SND1: variants seen among roughly 807,000 people sequenced by gnomAD.
The protein encoded by SND1 is staphylococcal nuclease and tudor domain containing 1, also known as staphylococcal nuclease domain-containing protein 1.
In SND1, 38 loss-of-function variants were observed where a neutral mutation model predicts 121.7. That is an observed-to-expected ratio of 0.31 (90% confidence interval 0.24 to 0.41). The LOEUF is 0.41. Among genes scored for constraint, SND1 ranks in the 10% least tolerant of loss-of-function variants. SND1 has a pLI of 1.00. For synonymous variants in SND1, 401 were observed against 447.4 expected, an observed-to-expected ratio of 0.90 and a Z score of 1.31; for missense variants, 868 against 1,184.6, an observed-to-expected ratio of 0.73 and a Z score of 3.92.
At chr7:127,970,977 A>G (rs1801971962) in intron 15 of SND1, among the ~76,000 whole-genome samples, 1 of 152,162 alleles carries the variant, frequency 6.6e-6, no homozygotes, top group Non-Finnish European at 1.5e-5. Context: ...GTTTTAAAAA[A>G]TAAAAATCCT....
intron 12 of SND1, among the ~76,000 whole-genome samples, chr7:127,879,222 T>G (rs1223090122): frequency 2.0e-5 from 3 of 152,184 alleles, no homozygotes; most frequent in African/African-American, 7.2e-5. Context: ...GAGATTTCTT[T>G]TGTCAGCTTA....
intron 18 of SND1, 121 bp from the exon 19 acceptor site, chr7:128,084,603 G>T: frequency 7.5e-6 from 8 of 1,073,724 alleles, no homozygotes; most frequent in Non-Finnish European, 1.0e-5. Flanking sequence ...GACAGAGCCA[G>T]TGCTGCAGTG....
At chr7:127,911,268 C>A (rs1170204500) in intron 14 of SND1, among the ~76,000 whole-genome samples, 3 of 152,246 alleles carry the variant, frequency 2.0e-5, no homozygotes, top group African/African-American at 7.2e-5. Flanking sequence ...TGGCACACAA[C>A]CTCTGATGCC....
intron 1 of SND1, among the ~76,000 whole-genome samples, chr7:127,684,056 A>G (rs1188620946): frequency 1.3e-5 from 2 of 152,234 alleles, no homozygotes; most frequent in Non-Finnish European, 2.9e-5. Context: ...TTTACTAGGC[A>G]GAGGCATTAG....
At chr7:127,872,315 A>C (rs1283840595) in intron 12 of SND1, among the ~76,000 whole-genome samples, 1 of 152,238 alleles carries the variant, frequency 6.6e-6, no homozygotes, top group African/African-American at 2.4e-5. Context: ...GCTCTGTGCC[A>C]TGTGGGGTTT....
At chr7:127,745,577 G>T (rs1429454321) in intron 10 of SND1, among the ~76,000 whole-genome samples, 1 of 152,128 alleles carries the variant, frequency 6.6e-6, no homozygotes, top group Non-Finnish European at 1.5e-5. Flanking sequence ...ACCATAGCAT[G>T]CCATCAGTGA....
intron 15 of SND1, among the ~76,000 whole-genome samples, chr7:127,944,054 C>T (rs1014532790): frequency 4.6e-5 from 7 of 152,150 alleles, no homozygotes; most frequent in African/African-American, 1.2e-4. Flanking sequence ...TGGCTCCTGA[C>T]GGAAACCTTG....
intron 10 of SND1, among the ~76,000 whole-genome samples, chr7:127,793,314 C>T (rs1375282438): frequency 1.3e-5 from 2 of 152,178 alleles, no homozygotes; most frequent in South Asian, 2.1e-4. Flanking sequence ...TGATATCGGG[C>T]GTGTTATTTC....
chr7:127,801,983 A>T (rs527426465), intron 10 of SND1, among the ~76,000 whole-genome samples: 2 of 151,680 alleles, frequency 1.3e-5, no homozygotes, highest in African/African-American at 4.9e-5. Flanking sequence ...CTGGGACTAC[A>T]GGCACCCACC....
intron 10 of SND1, among the ~76,000 whole-genome samples, chr7:127,783,321 A>G (rs1797755128): frequency 6.6e-6 from 1 of 152,196 alleles, no homozygotes; most frequent in Admixed American, 6.5e-5. Flanking sequence ...ATTAGATACA[A>G]CAATTTTTGC....
intron 12 of SND1, chr7:127,858,381 A>G: frequency 3.0e-6 from 4 of 1,340,104 alleles, no homozygotes; most frequent in Non-Finnish European, 3.1e-6. Flanking sequence ...TCTCTAGGCA[A>G]TAGGAGCTCC....
At chr7:127,822,156 T>A (rs1297813382) in intron 11 of SND1, among the ~76,000 whole-genome samples, 1 of 152,214 alleles carries the variant, frequency 6.6e-6, no homozygotes, top group African/African-American at 2.4e-5. Flanking sequence ...AAGAAGCAAT[T>A]AGTATTACGA....
intron 11 of SND1, among the ~76,000 whole-genome samples, chr7:127,837,356 A>G (rs1331475520): frequency 6.6e-6 from 1 of 152,244 alleles, no homozygotes; most frequent in African/African-American, 2.4e-5. Context: ...AATATTTGTT[A>G]TATATTGACA....
At chr7:128,019,730 A>G (rs1803304131) in intron 16 of SND1, among the ~76,000 whole-genome samples, 1 of 152,166 alleles carries the variant, frequency 6.6e-6, no homozygotes, top group Admixed American at 6.6e-5. Context: ...ACCATCATGA[A>G]GAAGACAAAT....
intron 1 of SND1, among the ~76,000 whole-genome samples, chr7:127,662,968 G>T (rs1185198959): frequency 7.0e-6 from 1 of 143,580 alleles, no homozygotes; most frequent in Non-Finnish European, 1.5e-5. Flanking sequence ...ATGGCTTACT[G>T]CAGCCTCAAC....
intron 18 of SND1, chr7:128,081,829 C>A (rs1793607375): frequency 1.8e-6 from 1 of 563,666 alleles, no homozygotes; most frequent in Non-Finnish European, 3.6e-6. Context: ...TTCCTACATA[C>A]CCCTGGCTAT....
Position 127,929,312 on chromosome 7 carries a change from T to C in SND1, c.1652T>C (p.Ile551Thr). The C allele has an allele frequency of 6.2e-7, 1 of 1,614,088 alleles. No individual in the cohort carries two copies. The highest frequency in any genetic ancestry group is 2.2e-5 in the East Asian group (1 of 44,876). The stretch of plus-strand genomic sequence containing the variant: ...TATTTGCCAAAGGAAACTTGCCTTA[T>C]CACCTTCTTGCTTGCAGGTAAGTCT... Reference protein sequence around the residue: ...KLYLPKETCLITFLLAGIECP... With the variant: ...KLYLPKETCLTTFLLAGIECP... Residue 551 changes from isoleucine to threonine, a missense_variant, in exon 15 of 24, where the codon ATC becomes ACC. Transcript: ENST00000354725.
At chr7:127,737,141 A>G (rs1252567726) in intron 10 of SND1, among the ~76,000 whole-genome samples, 1 of 152,258 alleles carries the variant, frequency 6.6e-6, no homozygotes, top group African/African-American at 2.4e-5. Context: ...AAAGAAATAT[A>G]CCACACCCTG....
At chr7:127,769,988 A>T (rs374843811) in intron 10 of SND1, among the ~76,000 whole-genome samples, 20 of 152,316 alleles carry the variant, frequency 1.3e-4, no homozygotes, top group African/African-American at 4.6e-4. Context: ...GAGTTGACAC[A>T]TTCATGTGAG....
Sources: allele counts gnomAD v4.1 joint callset (sites outside exome capture counted in the v4.1 genomes callset), GRCh38; gene constraint gnomAD v4.1.1; transcripts MANE v1.5; gene names NCBI Gene and HGNC (gene_info 2026-07-23, HGNC 2026-07-21).